Variants in GGACT observed in about 807,000 individuals in gnomAD.
The protein encoded by GGACT is gamma-glutamylaminecyclotransferase.
For missense variants in GGACT, 241 were observed against 233.2 expected (o/e 1.03, Z -0.22); for synonymous variants, 118 against 115.3 (o/e 1.02, Z -0.15).
rs2088352026 is a variant in GGACT at position 100,530,794 on chromosome 13, C to CTGT, written c.*1333_*1335dup. 1 of 168,664 alleles carries CTGT rather than the reference C, an allele frequency of 5.9e-6. No homozygotes were observed. The highest frequency in any genetic ancestry group is 5.6e-5 in the Admixed American group (1 of 17,738). The allele number at this position is 168,664 out of a possible 1,614,324, so 10.4% of individuals were successfully genotyped here. A position where few individuals can be genotyped will look rare whatever the true frequency, so the allele number is the denominator to read the frequency against. On this transcript the variant is annotated 3_prime_UTR_variant, in exon 3 of 3. Transcript: ENST00000683975. ...TGGTTGGCCGGGGGTGCTGTCTCCA[C>CTGT]TGTTTTTGTTTGTTTTGAGGATGAG... is the stretch of plus-strand genomic sequence containing the variant.
At chr13:100,560,364 C>T (rs2088748848) in intron 2 of GGACT, among the ~76,000 whole-genome samples, 2 of 152,234 alleles carry the variant, frequency 1.3e-5, no homozygotes, top group African/African-American at 4.8e-5. Context: ...CGCTTTTCTG[C>T]AGCGTGTTGC....
At chr13:100,538,551 C>G (rs927026765) in intron 2 of GGACT, 2 of 152,154 alleles carry the variant, frequency 1.3e-5, no homozygotes, top group Non-Finnish European at 2.9e-5. Flanking sequence ...TTTCATCTTG[C>G]AAAACTGAAA....
At chr13:100,562,687 T>A (rs2088773800) in intron 2 of GGACT, among the ~76,000 whole-genome samples, 1 of 151,572 alleles carries the variant, frequency 6.6e-6, no homozygotes. Flanking sequence ...TCCCAGCTAC[T>A]TGGGAGGCTG....
At chr13:100,551,800 A>G (rs74987527) in intron 2 of GGACT, among the ~76,000 whole-genome samples, 11,671 of 152,282 alleles carry the variant, frequency 0.077, 617 homozygotes, top group Middle Eastern at 0.14. Context: ...CAATGATTAT[A>G]CTTATTTTCA....
intron 2 of GGACT, among the ~76,000 whole-genome samples, chr13:100,558,991 G>A (rs1158625645): frequency 6.6e-6 from 1 of 152,092 alleles, no homozygotes; most frequent in African/African-American, 2.4e-5. Flanking sequence ...TGGGTGTGGA[G>A]GATGGAGGAG....
chr13:100,548,260 T>C (rs1308125283), intron 2 of GGACT, among the ~76,000 whole-genome samples: 1 of 152,258 alleles, frequency 6.6e-6, no homozygotes, highest in Admixed American at 6.5e-5. Context: ...TAGAAATACT[T>C]TGAGTTTGAA....
At chr13:100,578,854 A>T (rs1393506571) in intron 2 of GGACT, 1 of 152,208 alleles carries the variant, frequency 6.6e-6, no homozygotes, top group Non-Finnish European at 1.5e-5. Context: ...CCATCATGAG[A>T]TGTAAAAATA....
chr13:100,530,419 C>T lies in GGACT; in HGVS notation c.*1711G>A, dbSNP rs2088324617. The T allele has an allele frequency of 3.5e-6, 2 of 577,576 alleles. No individual in the cohort carries two copies. Among genetic ancestry groups the T allele is most frequent in the Non-Finnish European group, 6.2e-6 (2 of 322,958 alleles). The allele number at this position is 577,576 out of a possible 1,614,324, so 35.8% of individuals were successfully genotyped here. On this transcript the variant is annotated 3_prime_UTR_variant, in exon 3 of 3. Transcript: ENST00000683975. ...TAGTGTCAAAATTAAATCAATAAAA[C>T]TGAGCATTTGTCTAAATATTAGTTT...
At chr13:100,559,867 A>G (rs1594191812) in intron 2 of GGACT, among the ~76,000 whole-genome samples, 1 of 152,222 alleles carries the variant, frequency 6.6e-6, no homozygotes, top group Admixed American at 6.5e-5. Flanking sequence ...AGTTATGTAT[A>G]CCAGTTTAAC....
chr13:100,563,311 G>C (rs560960693), intron 2 of GGACT, among the ~76,000 whole-genome samples: 1 of 152,146 alleles, frequency 6.6e-6, no homozygotes, highest in East Asian at 1.9e-4. Flanking sequence ...GGGCTGCCAG[G>C]GGCTCGGGAT....
chr13:100,566,765 T>G (rs528282029), intron 2 of GGACT, among the ~76,000 whole-genome samples: 1 of 152,248 alleles, frequency 6.6e-6, no homozygotes, highest in East Asian at 1.9e-4. Context: ...CTCACTACAC[T>G]ACAACCTGTG....
intron 2 of GGACT, among the ~76,000 whole-genome samples, chr13:100,575,943 A>AACAGGAATGAGATGC (rs1452404627): frequency 2.0e-5 from 3 of 152,242 alleles, no homozygotes; most frequent in Non-Finnish European, 2.9e-5. Context: ...CTAATGGTCA[A>AACAGGAATGAGATGC]ACAGGAATGA....
intron 2 of GGACT, among the ~76,000 whole-genome samples, chr13:100,571,471 CT>C (rs1566537926): frequency 6.6e-6 from 1 of 151,924 alleles, no homozygotes; most frequent in Non-Finnish European, 1.5e-5. Context: ...AACATACTTT[CT>C]TTTTTTAGTT....
chr13:100,540,975 C>T (rs2088547962), intron 2 of GGACT, among the ~76,000 whole-genome samples: 1 of 152,220 alleles, frequency 6.6e-6, no homozygotes, highest in Non-Finnish European at 1.5e-5. Context: ...TTCAACCCTG[C>T]CCCCTCTCAC....
Position 100,588,770 on chromosome 13 carries a change from C to A in GGACT, c.-213G>T, listed in dbSNP as rs1298124732. ...CGGCAGCCGGGGCTGTCGGGGAGGG[C>A]AGGGCCAGGGCGGAAATGCAGGGCC... On this transcript the variant is annotated 5_prime_UTR_variant, in exon 1 of 3. Coordinates refer to ENST00000683975, the MANE Select transcript of GGACT (RefSeq NM_001195087.2). 1.3e-5 allele frequency: 2 copies of A among 151,834 alleles called. No homozygotes were observed. The highest frequency in any genetic ancestry group is 4.8e-5 in the African/African-American group (2 of 41,400). 9.4% of individuals were successfully genotyped at this position (151,834 alleles called of 1,614,324 possible).
chr13:100,579,637 TGAG>T (rs1310870279), intron 2 of GGACT, among the ~76,000 whole-genome samples: 1 of 152,140 alleles, frequency 6.6e-6, no homozygotes, highest in Non-Finnish European at 1.5e-5. Context: ...AAGAAGAACC[TGAG>T]GAGACAGGCC....
Position 100,532,549 on chromosome 13 carries a change from G to GGTCC in GGACT, c.42_43insGGAC (p.Pro15GlyfsTer67). The GGTCC allele has an allele frequency of 8.4e-6, 13 of 1,547,242 alleles. No homozygotes were observed. The highest frequency in any genetic ancestry group is 1.1e-5 in the Non-Finnish European group (13 of 1,145,118). The stretch of plus-strand genomic sequence containing the variant: ...CCGTCCCGCAGGACCCTGTGGTTGG[G>GGTCC]CTGACCCCGCTTCAGGGTGCCGTAC... On this transcript the variant is annotated frameshift_variant, in exon 3 of 3. Coordinates refer to ENST00000683975, the MANE Select transcript of GGACT (RefSeq NM_001195087.2). LOFTEE classifies it low-confidence loss of function (END_TRUNC).
At chr13:100,542,599 G>T (rs374567357) in intron 2 of GGACT, among the ~76,000 whole-genome samples, 1 of 152,268 alleles carries the variant, frequency 6.6e-6, no homozygotes, top group African/African-American at 2.4e-5. Context: ...CCCTGATGCT[G>T]ATGTGTTAAG....
intron 2 of GGACT, among the ~76,000 whole-genome samples, chr13:100,566,755 C>T (rs1469485168): frequency 6.6e-6 from 1 of 152,244 alleles, no homozygotes; most frequent in Non-Finnish European, 1.5e-5. Context: ...GACATCTGAT[C>T]TCACTACACT....
Sources: gnomAD v4.1 joint callset for allele counts (sites outside exome capture counted in the v4.1 genomes callset) on GRCh38, gnomAD v4.1.1 for gene constraint, MANE v1.5 for transcripts, NCBI Gene and HGNC (gene_info 2026-07-23, HGNC 2026-07-21) for gene names.